The following SOD1 variants were observed in gnomAD, a reference collection of about 807,000 sequenced individuals.
SOD1 encodes the protein superoxide dismutase [Cu-Zn].
A neutral mutation model predicts 15.9 loss-of-function variants in SOD1; 8 were observed. The observed-to-expected ratio is 0.50, with a 90% confidence interval of 0.30 to 0.91. The LOEUF is 0.91. Ranked by LOEUF, SOD1 falls within the 40% of genes least tolerant of loss-of-function variation. The pLI is 0.07. For synonymous variants in SOD1, 86 were observed against 71.2 expected (o/e 1.21, Z -1.04); for missense variants, 137 against 194.5 (o/e 0.70, Z 1.76).
chr21:31,663,692 C>G, intron 1 of SOD1, 98 bp from the exon 2 acceptor site: 1 of 964,684 alleles, frequency 1.0e-6, no homozygotes, highest in Non-Finnish European at 1.6e-6. Context: ...TTTTCCACTC[C>G]CAAGTCTGGC....
rs749428274 is a variant in SOD1 at position 31,659,737 on chromosome 21, C to G, written c.-33C>G. ...CGTCTGGGGTTTCCGTTGCAGTCCT[C>G]GGAACCAGGACCTCGGCGTGGCCTA... On this transcript the variant is annotated 5_prime_UTR_variant, in exon 1 of 5. Coordinates refer to ENST00000270142, the MANE Select transcript of SOD1 (RefSeq NM_000454.5). 5 of 1,612,508 alleles carry G rather than the reference C, an allele frequency of 3.1e-6. No homozygotes were observed. The highest frequency in any genetic ancestry group is 4.5e-5 in the East Asian group (2 of 44,874).
chr21:31,668,624 C>T lies in SOD1; in HGVS notation c.*46C>T, dbSNP rs2049620804. 1 of 1,293,958 alleles carries T rather than the reference C, an allele frequency of 7.7e-7. No individual in the cohort carries two copies. Among genetic ancestry groups the T allele is most frequent in the South Asian group, 1.2e-5 (1 of 84,744 alleles). 80.2% of individuals were successfully genotyped at this position (1,293,958 alleles called of 1,614,324 possible). A position where few individuals can be genotyped will look rare whatever the true frequency, so the allele number is the denominator to read the frequency against. ...TGAGGCCCCTTAACTCATCTGTTAT[C>T]CTGCTAGCTGTAGAAATGTATCCTG... On this transcript the variant is annotated 3_prime_UTR_variant, in exon 5 of 5. Coordinates refer to ENST00000270142, the MANE Select transcript of SOD1 (RefSeq NM_000454.5).
chr21:31,659,704 T>A lies in SOD1; in HGVS notation c.-66T>A. On this transcript the variant is annotated 5_prime_UTR_variant, in exon 1 of 5. Transcript: ENST00000270142. ...CGGGGTGCTGGTTTGCGTCGTAGTC[T>A]CCTGCAGCGTCTGGGGTTTCCGTTG... 6.5e-7 allele frequency: 1 copy of A among 1,538,724 alleles called. No individual in the cohort carries two copies. The highest frequency in any genetic ancestry group is 9.0e-7 in the Non-Finnish European group (1 of 1,112,244).
rs17880044 is a variant in SOD1 at position 31,668,283 on chromosome 21, T to C, written c.358-188T>C. On this transcript the variant is annotated intron_variant, in intron 4 of 4. Transcript: ENST00000270142. ...ACCTAATGTTTAAAGGTAATGTCTT[T>C]GCAACACCAAGAAAAAGCTTTGAGT... Among the ~76,000 whole-genome samples the C allele has an allele frequency of 2.4e-3, 364 of 152,310 alleles. 4 individuals are homozygous for C. Among genetic ancestry groups the C allele is most frequent in the South Asian group, 0.016 (77 of 4,826 alleles).
rs1423429617 is a variant in SOD1 at position 31,659,726 on chromosome 21, G to C, written c.-44G>C. Reference sequence around the variant, plus strand: ...GTCTCCTGCAGCGTCTGGGGTTTCCGTTGCAGTCCTCGGAACCAGGACCTC... The same window carrying C: ...GTCTCCTGCAGCGTCTGGGGTTTCCCTTGCAGTCCTCGGAACCAGGACCTC... On this transcript the variant is annotated 5_prime_UTR_variant, in exon 1 of 5. Coordinates refer to ENST00000270142, the MANE Select transcript of SOD1 (RefSeq NM_000454.5). 4 of 1,607,302 alleles carry C rather than the reference G, an allele frequency of 2.5e-6. No individual in the cohort carries two copies. The highest frequency in any genetic ancestry group is 3.4e-6 in the Non-Finnish European group (4 of 1,174,222).
chr21:31,668,421 G>A, intron 4 of SOD1, 50 bp from the exon 5 acceptor site: 1 of 1,171,324 alleles, frequency 8.5e-7, no homozygotes, highest in Non-Finnish European at 1.3e-6. Flanking sequence ...GTTGGGAGGA[G>A]GTAGTGATTA....
At chr21:31,666,316 G>T in intron 2 of SOD1, 133 bp from the exon 3 acceptor site, 3 of 699,904 alleles carry the variant, frequency 4.3e-6, no homozygotes, top group Non-Finnish European at 7.7e-6. Context: ...CTGTACCAAG[G>T]TGTTGCTTAT....
At chr21:31,667,806 T>C (rs1164602074) in intron 4 of SOD1, among the ~76,000 whole-genome samples, 3 of 152,216 alleles carry the variant, frequency 2.0e-5, no homozygotes, top group Non-Finnish European at 4.4e-5. Flanking sequence ...GGGAAGCTGT[T>C]GTCCCAAGTT....
rs1421563256 is a variant in SOD1, at chr21:31,663,855, C to T, written c.138C>T (p.Phe46=). Reference sequence around the variant, plus strand: ...GACTGACTGAAGGCCTGCATGGATTCCATGTTCATGAGTTTGGAGATAATA... The same window carrying T: ...GACTGACTGAAGGCCTGCATGGATTTCATGTTCATGAGTTTGGAGATAATA... The part of the protein sequence containing the change: ...IKGLTEGLHG[F]HVHEFGDNTA... The change falls in exon 2 of 5, where the codon TTC becomes TTT. Residue 46 remains phenylalanine, a synonymous_variant. Coordinates refer to ENST00000270142, the MANE Select transcript of SOD1 (RefSeq NM_000454.5). The T allele has an allele frequency of 1.2e-6, 2 of 1,613,482 alleles. No homozygotes were observed. The highest frequency in any genetic ancestry group is 2.2e-5 in the East Asian group (1 of 44,872).
chr21:31,663,765 C>T lies in SOD1; in HGVS notation c.73-25C>T, dbSNP rs201746008. ...GCTGTTTTCTTTGTTCAGAAACTCT[C>T]TCCAACTTTGCACTTTTCTTAAAGG... On this transcript the variant is annotated intron_variant, in intron 1 of 4. Coordinates refer to ENST00000270142, the MANE Select transcript of SOD1 (RefSeq NM_000454.5). 4.5e-6 allele frequency: 7 copies of T among 1,548,448 alleles called. 1 individual carries two copies. The African/African-American group carries it at 5.4e-5, about 12-fold the overall frequency.
rs1182140541 is a variant in SOD1, at chr21:31,667,169, C to CTA, written c.240-88_240-87dup. The CTA allele has an allele frequency of 2.2e-5, 22 of 988,536 alleles. 1 individual carries two copies. In the African/African-American group the frequency reaches 3.0e-4, roughly 14 times the overall value. The allele number at this position is 988,536 out of a possible 1,614,324, so 61.2% of individuals were successfully genotyped here. A position where few individuals can be genotyped will look rare whatever the true frequency, so the allele number is the denominator to read the frequency against. On this transcript the variant is annotated intron_variant, in intron 3 of 4. Transcript: ENST00000270142. ...TAGCTACTTGTTTGCAAATTTGTGT[C>CTA]TACTCAGTCAAGTTTTAATTTAGCT... is the stretch of plus-strand genomic sequence containing the variant.
At chr21:31,659,921 C>T (rs1026156723) in intron 1 of SOD1, 80 bp downstream of exon 1, 6 of 1,459,632 alleles carry the variant, frequency 4.1e-6, no homozygotes, top group Non-Finnish European at 5.7e-6. Flanking sequence ...AGGAGCGGGT[C>T]GCCCGCCAGG....
At chr21:31,663,514 G>T (rs1196044477) in intron 1 of SOD1, among the ~76,000 whole-genome samples, 1 of 152,134 alleles carries the variant, frequency 6.6e-6, no homozygotes, top group Non-Finnish European at 1.5e-5. Context: ...ACTCTATTAG[G>T]TGCTTTTTAT....
intron 2 of SOD1, 92 bp from the exon 3 acceptor site, chr21:31,666,357 C>A: frequency 2.1e-6 from 2 of 943,482 alleles, no homozygotes; most frequent in Non-Finnish European, 3.3e-6. Flanking sequence ...TCAGCACTTT[C>A]TCCATGGGAA....
intron 1 of SOD1, chr21:31,660,558 C>T (rs1050758837): frequency 6.6e-6 from 1 of 152,140 alleles, no homozygotes; most frequent in Non-Finnish European, 1.5e-5. Context: ...TCCTAAGCTC[C>T]GGGAGCCAGA....
At chr21:31,661,530 A>G (rs2049548812) in intron 1 of SOD1, 1 of 152,180 alleles carries the variant, frequency 6.6e-6, no homozygotes, top group Non-Finnish European at 1.5e-5. Flanking sequence ...CGCCTGGCTA[A>G]TTTTTTATAT....
At position 31,659,817 on chromosome 21, in the gene SOD1, G is replaced by C; in HGVS notation, c.48G>C (p.Gln16His). ...VCVLKGDGPVQGIINFEQKES... is the reference protein window; with the variant it reads ...VCVLKGDGPVHGIINFEQKES... ...TGCTGAAGGGCGACGGCCCAGTGCA[G>C]GGCATCATCAATTTCGAGCAGAAGG... Residue 16 changes from glutamine to histidine, a missense_variant, in exon 1 of 5, where the codon CAG becomes CAC. Physicochemically the swap from Gln to His is conservative, Grantham distance 24. Coordinates refer to ENST00000270142, the MANE Select transcript of SOD1 (RefSeq NM_000454.5). 1.9e-6 allele frequency: 3 copies of C among 1,613,808 alleles called. No homozygotes were observed. The highest frequency in any genetic ancestry group is 2.5e-6 in the Non-Finnish European group (3 of 1,179,892).
Position 31,666,931 on chromosome 21 carries a change from C to G in SOD1, c.240-327C>G, listed in dbSNP as rs1468637485. Reference sequence around the variant, plus strand: ...TTATATGTGTATGTTTTCTGAAAGCCTTTCAGAAAAATATTAAATTTAAGG... The same window carrying G: ...TTATATGTGTATGTTTTCTGAAAGCGTTTCAGAAAAATATTAAATTTAAGG... On this transcript the variant is annotated intron_variant, in intron 3 of 4. Transcript: ENST00000270142. 7.4e-5 allele frequency: 30 copies of G among 405,292 alleles called. 1 individual carries two copies. The Admixed American group carries it at 1.2e-3, about 16-fold the overall frequency. The allele number at this position is 405,292 out of a possible 1,614,324, so 25.1% of individuals were successfully genotyped here.
chr21:31,665,032 G>A (rs939035028), intron 2 of SOD1, among the ~76,000 whole-genome samples: 3 of 152,108 alleles, frequency 2.0e-5, no homozygotes, highest in Admixed American at 6.6e-5. Flanking sequence ...GAGCAAAGGG[G>A]CTGCATTTAT....
Sources: allele counts gnomAD v4.1 joint callset (sites outside exome capture counted in the v4.1 genomes callset), GRCh38; gene constraint gnomAD v4.1.1; transcripts MANE v1.5; gene names NCBI Gene and HGNC (gene_info 2026-07-23, HGNC 2026-07-21).